The following TBC1D22A variants were observed in gnomAD, a reference collection of about 807,000 sequenced individuals.
TBC1D22A encodes the protein TBC1 domain family member 22A.
TBC1D22A carries 38 observed loss-of-function variants against 60.2 expected under a neutral mutation model. The observed-to-expected ratio is 0.63, with a 90% CI of 0.49 to 0.83. The LOEUF is 0.83. Ranked by LOEUF, TBC1D22A falls within the 40% of genes least tolerant of loss-of-function variation. The pLI, the probability that TBC1D22A is intolerant of heterozygous loss-of-function variation, is 0.00. For missense variants in TBC1D22A, 628 were observed against 701.0 expected (o/e 0.90, Z 1.18); for synonymous variants, 302 against 281.7 (o/e 1.07, Z -0.72).
chr22:47,144,069 C>T (rs1002852421), intron 12 of TBC1D22A, among the ~76,000 whole-genome samples: 16 of 152,206 alleles, frequency 1.1e-4, no homozygotes, highest in African/African-American at 3.4e-4. Flanking sequence ...TGTCCCTAGA[C>T]GGTGTCAGGG....
intron 11 of TBC1D22A, among the ~76,000 whole-genome samples, chr22:47,042,647 G>A (rs1569376000): frequency 6.6e-6 from 1 of 152,184 alleles, no homozygotes; most frequent in Non-Finnish European, 1.5e-5. Flanking sequence ...CAGAGGTCAG[G>A]GCCAGAGCCT....
At chr22:46,804,094 C>T (rs1197675121) in intron 4 of TBC1D22A, among the ~76,000 whole-genome samples, 1 of 152,210 alleles carries the variant, frequency 6.6e-6, no homozygotes, top group Non-Finnish European at 1.5e-5. Context: ...GCGATGGCAC[C>T]TCCTTGAGCC....
chr22:47,112,693 A>G (rs1464039111), intron 12 of TBC1D22A, among the ~76,000 whole-genome samples: 2 of 152,196 alleles, frequency 1.3e-5, no homozygotes, highest in East Asian at 1.9e-4. Flanking sequence ...TGGATGGGAC[A>G]AGACGCTCCT....
chr22:47,122,469 G>A (rs974781876), intron 12 of TBC1D22A, among the ~76,000 whole-genome samples: 12 of 152,154 alleles, frequency 7.9e-5, no homozygotes, highest in Admixed American at 4.6e-4. Context: ...ATTCCAGTCC[G>A]TGACCTTTGA....
At chr22:47,131,774 C>G (rs2066687317) in intron 12 of TBC1D22A, among the ~76,000 whole-genome samples, 1 of 152,218 alleles carries the variant, frequency 6.6e-6, no homozygotes, top group Non-Finnish European at 1.5e-5. Flanking sequence ...GACCCTGGCT[C>G]TCTCGCAGAG....
chr22:46,797,301 G>T, intron 3 of TBC1D22A, 143 bp from the exon 4 acceptor site: 1 of 841,550 alleles, frequency 1.2e-6, no homozygotes. Context: ...CCATGTTATT[G>T]CTCAAGAAAC....
At chr22:46,916,051 G>C (rs926049405) in intron 8 of TBC1D22A, 2 of 416,142 alleles carry the variant, frequency 4.8e-6, no homozygotes, top group Non-Finnish European at 9.4e-6. Context: ...CCGAGGATGA[G>C]GACATATGCA....
intron 11 of TBC1D22A, among the ~76,000 whole-genome samples, chr22:47,100,588 A>G (rs1444168728): frequency 6.6e-6 from 1 of 152,110 alleles, no homozygotes; most frequent in African/African-American, 2.4e-5. Flanking sequence ...GTCTCCTGAG[A>G]TCCGATGGTT....
At chr22:47,024,877 C>G (rs1332059965) in intron 10 of TBC1D22A, among the ~76,000 whole-genome samples, 1 of 151,982 alleles carries the variant, frequency 6.6e-6, no homozygotes, top group Non-Finnish European at 1.5e-5. Flanking sequence ...AAGAGAAAAG[C>G]CCACAAATAT....
rs531280360 is a variant in TBC1D22A, at chr22:47,005,898, C to T, written c.1201+8189C>T. On this transcript the variant is annotated intron_variant, in intron 10 of 12. Coordinates refer to ENST00000337137, the MANE Select transcript of TBC1D22A (RefSeq NM_014346.5). Reference sequence around the variant, plus strand: ...ATACACACACACCTCCTACACACATCTATACACAGACACACACCCATATGC... The same window carrying T: ...ATACACACACACCTCCTACACACATTTATACACAGACACACACCCATATGC... Among the ~76,000 whole-genome samples, 65 of 150,652 alleles carry T rather than the reference C, an allele frequency of 4.3e-4. 1 individual carries two copies. In the South Asian group the frequency reaches 0.013, roughly 31 times the overall value.
intron 1 of TBC1D22A, among the ~76,000 whole-genome samples, chr22:46,790,765 A>C (rs1474523979): frequency 2.0e-5 from 3 of 152,194 alleles, no homozygotes; most frequent in Non-Finnish European, 4.4e-5. Context: ...CTGGTGGGAT[A>C]TGAACCACGG....
chr22:46,864,491 G>T (rs1372158127), intron 4 of TBC1D22A, among the ~76,000 whole-genome samples: 2 of 152,204 alleles, frequency 1.3e-5, no homozygotes, highest in African/African-American at 2.4e-5. Context: ...GAGAGGAAAA[G>T]AACAAACTTA....
intron 4 of TBC1D22A, among the ~76,000 whole-genome samples, chr22:46,809,787 G>A (rs2085304937): frequency 6.6e-6 from 1 of 152,102 alleles, no homozygotes; most frequent in East Asian, 1.9e-4. Context: ...AGCCCTGCCC[G>A]GCTGCTGTGT....
chr22:46,951,903 G>A (rs960917711), intron 8 of TBC1D22A, among the ~76,000 whole-genome samples: 3 of 152,240 alleles, frequency 2.0e-5, no homozygotes, highest in Non-Finnish European at 4.4e-5. Flanking sequence ...GGAAGCAGGT[G>A]TACCTGGTCT....
intron 4 of TBC1D22A, among the ~76,000 whole-genome samples, chr22:46,858,211 C>T (rs986325631): frequency 1.3e-5 from 2 of 152,184 alleles, no homozygotes; most frequent in African/African-American, 2.4e-5. Flanking sequence ...GTTTTGAGCT[C>T]CCGGATGGCT....
chr22:46,963,743 C>T (rs2073660642), intron 8 of TBC1D22A, among the ~76,000 whole-genome samples: 1 of 152,220 alleles, frequency 6.6e-6, no homozygotes, highest in Admixed American at 6.5e-5. Context: ...CATTCTGGGG[C>T]CGTGCACCTC....
chr22:46,956,951 G>A (rs941136710), intron 8 of TBC1D22A, among the ~76,000 whole-genome samples: 2 of 152,216 alleles, frequency 1.3e-5, no homozygotes, highest in African/African-American at 4.8e-5. Flanking sequence ...TGGGAGTCGG[G>A]CAGGTAAGAA....
intron 11 of TBC1D22A, among the ~76,000 whole-genome samples, chr22:47,083,454 G>A (rs934906381): frequency 2.0e-5 from 3 of 152,046 alleles, no homozygotes; most frequent in African/African-American, 7.2e-5. Context: ...CTGAGCTTCC[G>A]TGGGCGAGAC....
intron 4 of TBC1D22A, among the ~76,000 whole-genome samples, chr22:46,805,301 C>T (rs1485872448): frequency 6.6e-6 from 1 of 152,226 alleles, no homozygotes; most frequent in Non-Finnish European, 1.5e-5. Context: ...ACTGGTTTTC[C>T]AGTTGACACA....
Sources: allele counts gnomAD v4.1 joint callset (sites outside exome capture counted in the v4.1 genomes callset), GRCh38; gene constraint gnomAD v4.1.1; transcripts MANE v1.5; gene names NCBI Gene and HGNC (gene_info 2026-07-23, HGNC 2026-07-21).